The following MAP2 variants were observed in gnomAD, a reference collection of about 807,000 sequenced individuals.
MAP2 encodes microtubule associated protein 2, also known as microtubule-associated protein 2.
A neutral mutation model predicts 137.6 loss-of-function variants in MAP2; 14 were observed. The ratio of observed to expected loss-of-function variants is 0.10; its 90% confidence interval spans 0.07 to 0.16. The LOEUF is 0.16. Ranked by LOEUF, MAP2 falls within the 10% of genes least tolerant of loss-of-function variation. The pLI, the probability that MAP2 is intolerant of heterozygous loss-of-function variation, is 1.00. For missense variants in MAP2, 2,088 were observed against 2,191.5 expected, an observed-to-expected ratio of 0.95 and a Z score of 0.94; for synonymous variants, 786 against 782.3, an observed-to-expected ratio of 1.00 and a Z score of -0.08.
chr2:209,599,550 A>G (rs2082364245), intron 3 of MAP2, among the ~76,000 whole-genome samples: 1 of 152,224 alleles, frequency 6.6e-6, no homozygotes, highest in African/African-American at 2.4e-5. Flanking sequence ...ACAAAATTCT[A>G]AATTACTATT....
At chr2:209,453,428 A>T (rs1003650727) in intron 1 of MAP2, among the ~76,000 whole-genome samples, 2 of 152,232 alleles carry the variant, frequency 1.3e-5, no homozygotes, top group African/African-American at 4.8e-5. Context: ...AAAATATCAG[A>T]TTCTACCCAC....
At chr2:209,707,300 C>T (rs1246525122) in intron 12 of MAP2, among the ~76,000 whole-genome samples, 1 of 152,096 alleles carries the variant, frequency 6.6e-6, no homozygotes, top group African/African-American at 2.4e-5. Context: ...AGGCATTTTG[C>T]ATTGTATTAT....
intron 2 of MAP2, among the ~76,000 whole-genome samples, chr2:209,529,795 A>G (rs1245252073): frequency 6.6e-6 from 1 of 152,120 alleles, no homozygotes; most frequent in Non-Finnish European, 1.5e-5. Context: ...ATAACCTTTA[A>G]TTGTACTCCC....
chr2:209,461,524 C>T lies in MAP2; in HGVS notation c.-222+37248C>T, dbSNP rs140652423. 7.1e-3 allele frequency among the ~76,000 whole-genome samples: 1,084 copies of T among 152,088 alleles called. 15 individuals are homozygous for T. Among genetic ancestry groups the T allele is most frequent in the African/African-American group, 0.025 (1,037 of 41,480 alleles). ...AGACTGCAGTGCAATGGCACAATCT[C>T]GGCTCACTGCAACCTCTGTCTCTCA... On this transcript the variant is annotated intron_variant, in intron 1 of 15. Coordinates refer to ENST00000682079, the MANE Select transcript of MAP2 (RefSeq NM_001375505.1).
At chr2:209,537,227 G>C (rs1332615325) in intron 2 of MAP2, among the ~76,000 whole-genome samples, 2 of 151,792 alleles carry the variant, frequency 1.3e-5, no homozygotes. Flanking sequence ...ATTATTTTTT[G>C]TATCTGTTAT....
In MAP2 at chr2:209,589,156, A is replaced by G. The variant is rs573905032; in HGVS notation, c.-107+9056A>G. Among the ~76,000 whole-genome samples the G allele has an allele frequency of 2.6e-5, 4 of 152,276 alleles. No homozygotes were observed. In the South Asian group the frequency reaches 8.3e-4, roughly 32 times the overall value. ...CAACCAGTTAAGAAGCTGCATTTAGATTTTAAGGACAAAAAAAAATAATCA... is the reference window on the plus strand; with the variant it reads ...CAACCAGTTAAGAAGCTGCATTTAGGTTTTAAGGACAAAAAAAAATAATCA... On this transcript the variant is annotated intron_variant, in intron 3 of 15. Transcript: ENST00000682079.
At chr2:209,669,842 TTTTG>T (rs1332598760) in intron 5 of MAP2, among the ~76,000 whole-genome samples, 1 of 151,916 alleles carries the variant, frequency 6.6e-6, no homozygotes, top group Non-Finnish European at 1.5e-5. Context: ...ATATTTTATA[TTTTG>T]TTTATCTCAC....
intron 13 of MAP2, among the ~76,000 whole-genome samples, chr2:209,723,214 G>A (rs2072093039): frequency 6.6e-6 from 1 of 152,192 alleles, no homozygotes; most frequent in Non-Finnish European, 1.5e-5. Context: ...AGGGTCCTGT[G>A]CTGAACAAGA....
chr2:209,615,171 G>T (rs2088744444), intron 3 of MAP2, among the ~76,000 whole-genome samples: 1 of 152,086 alleles, frequency 6.6e-6, no homozygotes, highest in Admixed American at 6.6e-5. Flanking sequence ...TGCTCACGTT[G>T]ACCTCAAAAA....
intron 2 of MAP2, among the ~76,000 whole-genome samples, chr2:209,519,901 AG>A (rs2063032498): frequency 6.6e-6 from 1 of 152,010 alleles, no homozygotes; most frequent in Admixed American, 6.6e-5. Flanking sequence ...AAATTATTGG[AG>A]GGTAGTTCTG....
chr2:209,724,595 G>A (rs566026054), intron 13 of MAP2, among the ~76,000 whole-genome samples: 2 of 152,234 alleles, frequency 1.3e-5, no homozygotes, highest in South Asian at 4.1e-4. Context: ...GAGAGAGAGA[G>A]AGAGAGAGAG....
At chr2:209,712,723 A>AT (rs1168045590) in intron 13 of MAP2, among the ~76,000 whole-genome samples, 1 of 152,128 alleles carries the variant, frequency 6.6e-6, no homozygotes, top group Non-Finnish European at 1.5e-5. Context: ...GTGATCTCAG[A>AT]TATAGGGAGT....
At position 209,632,857 on chromosome 2, in the gene MAP2, C is replaced by T. The variant is rs535722098; in HGVS notation, c.-30+7728C>T. On this transcript the variant is annotated intron_variant, in intron 4 of 15. Coordinates refer to ENST00000682079, the MANE Select transcript of MAP2 (RefSeq NM_001375505.1). ...TTACTCTCTCAGCCCAGGGCGTCTACCAGAACCTTTCAGTGGCCTTTGATT... is the reference window on the plus strand; with the variant it reads ...TTACTCTCTCAGCCCAGGGCGTCTATCAGAACCTTTCAGTGGCCTTTGATT... Among the ~76,000 whole-genome samples, 17 of 152,278 alleles carry T rather than the reference C, an allele frequency of 1.1e-4. No individual in the cohort carries two copies. In the South Asian group the frequency reaches 3.5e-3, roughly 32 times the overall value.
chr2:209,462,743 C>A (rs1323868378), intron 1 of MAP2, among the ~76,000 whole-genome samples: 1 of 152,046 alleles, frequency 6.6e-6, no homozygotes, highest in Non-Finnish European at 1.5e-5. Context: ...GTTTGAGATG[C>A]AAAGGATATA....
intron 14 of MAP2, among the ~76,000 whole-genome samples, chr2:209,727,570 A>G (rs940809879): frequency 5.3e-5 from 8 of 152,250 alleles, no homozygotes; most frequent in Non-Finnish European, 8.8e-5. Context: ...GACTAAATTC[A>G]TAAAGAAGTG....
intron 3 of MAP2, among the ~76,000 whole-genome samples, chr2:209,615,163 C>T (rs1227660407): frequency 2.6e-5 from 4 of 152,140 alleles, no homozygotes; most frequent in African/African-American, 7.2e-5. Context: ...AATCTGAATG[C>T]TCACGTTGAC....
intron 1 of MAP2, among the ~76,000 whole-genome samples, chr2:209,448,165 T>C (rs1699532561): frequency 6.6e-6 from 1 of 152,124 alleles, no homozygotes. Context: ...CAATGAGGTA[T>C]TGAACCTGAA....
chr2:209,603,353 G>A (rs1045843901), intron 3 of MAP2, among the ~76,000 whole-genome samples: 1 of 152,042 alleles, frequency 6.6e-6, no homozygotes, highest in Non-Finnish European at 1.5e-5. Context: ...CACAGATAAA[G>A]CTTTACCATT....
At chr2:209,607,058 C>A (rs897810500) in intron 3 of MAP2, among the ~76,000 whole-genome samples, 2 of 151,922 alleles carry the variant, frequency 1.3e-5, no homozygotes, top group Admixed American at 1.3e-4. Context: ...AAGGTAATAA[C>A]CACAAAACTC....
Sources: gnomAD v4.1 joint callset for allele counts (sites outside exome capture counted in the v4.1 genomes callset) on GRCh38, gnomAD v4.1.1 for gene constraint, MANE v1.5 for transcripts, NCBI Gene and HGNC (gene_info 2026-07-23, HGNC 2026-07-21) for gene names.